The following FGD4 variants were observed in gnomAD, a reference collection of about 807,000 sequenced individuals.
FGD4 encodes FYVE, RhoGEF and PH domain containing 4.
Under a neutral mutation model 102.0 loss-of-function variants are expected in FGD4, and 42 were observed. The ratio of observed to expected loss-of-function variants is 0.41; its 90% CI spans 0.32 to 0.53. The LOEUF is 0.53. Ranked by LOEUF, FGD4 falls within the 20% of genes least tolerant of loss-of-function variation. FGD4 has a pLI of 0.21. For missense variants in FGD4, 902 were observed against 1,078.2 expected (o/e 0.84, Z 2.29); for synonymous variants, 380 against 375.7 (o/e 1.01, Z -0.13).
intron 3 of FGD4, among the ~76,000 whole-genome samples, chr12:32,579,285 C>CT (rs1946402697): frequency 6.6e-6 from 1 of 152,058 alleles, no homozygotes; most frequent in Admixed American, 6.6e-5. Flanking sequence ...CTCAGGTGAT[C>CT]TGCCCGCCTT....
intron 1 of FGD4, among the ~76,000 whole-genome samples, chr12:32,471,137 C>G (rs893347433): frequency 2.0e-5 from 3 of 152,186 alleles, no homozygotes; most frequent in Non-Finnish European, 4.4e-5. Context: ...AACCTTCCCC[C>G]CAACCCCCAC....
At chr12:32,617,068 T>C (rs1326477294) in intron 10 of FGD4, among the ~76,000 whole-genome samples, 2 of 152,230 alleles carry the variant, frequency 1.3e-5, no homozygotes, top group Non-Finnish European at 2.9e-5. Flanking sequence ...GATTAATTCA[T>C]AGATTATTGG....
At chr12:32,614,479 C>T (rs1215440927) in intron 10 of FGD4, among the ~76,000 whole-genome samples, 1 of 152,000 alleles carries the variant, frequency 6.6e-6, no homozygotes, top group Non-Finnish European at 1.5e-5. Flanking sequence ...TCTCGAGGGC[C>T]AAAGAACAAT....
At chr12:32,487,724 G>A (rs1472056608) in intron 1 of FGD4, among the ~76,000 whole-genome samples, 1 of 152,194 alleles carries the variant, frequency 6.6e-6, no homozygotes, top group African/African-American at 2.4e-5. Context: ...ACCATGCCCA[G>A]CCAATTTATA....
At chr12:32,423,319 C>T (rs372776534) in intron 1 of FGD4, among the ~76,000 whole-genome samples, 9 of 152,154 alleles carry the variant, frequency 5.9e-5, no homozygotes, top group African/African-American at 1.2e-4. Flanking sequence ...TAGGCCAGCA[C>T]GGTGACTCAC....
chr12:32,611,256 T>G lies in FGD4; in HGVS notation c.1722T>G (p.Thr574=). Residue 574 remains threonine (T), a synonymous_variant, in exon 10 of 17, where the codon ACT becomes ACG. Coordinates refer to ENST00000534526, the MANE Select transcript of FGD4 (RefSeq NM_001370298.3). ...GQILKLAARN[T]SAQERYLFLF... ...TCCTCAAACTAGCTGCTCGGAACACTTCAGCACAAGAACGCTACCTTTTCT... is the reference window on the plus strand; with the variant it reads ...TCCTCAAACTAGCTGCTCGGAACACGTCAGCACAAGAACGCTACCTTTTCT... 2 of 1,614,208 alleles carry G rather than the reference T, an allele frequency of 1.2e-6. No individual in the cohort carries two copies. Among genetic ancestry groups the G allele is most frequent in the Non-Finnish European group, 1.7e-6 (2 of 1,180,042 alleles).
At position 32,582,125 on chromosome 12, in the gene FGD4, G is replaced by C. The variant is rs762966429; in HGVS notation, c.669G>C (p.Gln223His). ...ATACAGATAAGACTCAGGGTGCACA[G>C]ACTTGTGTGGCCAACGGTGTAATGG... is the stretch of plus-strand genomic sequence containing the variant. ...GNDTDKTQGAQTCVANGVMAA... is the reference protein window; with the variant it reads ...GNDTDKTQGAHTCVANGVMAA... The change falls in exon 4 of 17, where the codon CAG becomes CAC. Residue 223 changes from glutamine (Q) to histidine (H), a missense_variant. Around this residue, in one of 2 missense-constraint regions of FGD4, gnomAD observed 443 missense variants for 459.2 expected, o/e 0.96. Coordinates refer to ENST00000534526, the MANE Select transcript of FGD4 (RefSeq NM_001370298.3). The C allele has an allele frequency of 6.2e-7, 1 of 1,614,220 alleles. No individual in the cohort carries two copies.
At chr12:32,585,222 TTATATATATATATATATATATATA>T (rs140227421) in intron 4 of FGD4, among the ~76,000 whole-genome samples, 2 of 116,142 alleles carry the variant, frequency 1.7e-5, no homozygotes, top group African/African-American at 3.1e-5. Context: ...CTCAAAAATT[TTATATATATATATATATATATATA>T]TATATATATA....
chr12:32,601,804 A>G (rs1948445226), intron 6 of FGD4, among the ~76,000 whole-genome samples: 1 of 152,200 alleles, frequency 6.6e-6, no homozygotes, highest in Admixed American at 6.5e-5. Flanking sequence ...CAATTCACTC[A>G]TTCTATAAGA....
intron 2 of FGD4, among the ~76,000 whole-genome samples, chr12:32,574,051 G>A (rs2136354724): frequency 6.6e-6 from 1 of 152,232 alleles, no homozygotes; most frequent in Middle Eastern, 3.4e-3. Context: ...GCCACAAATT[G>A]TGATAAGCAA....
At chr12:32,548,701 T>G (rs575625104) in intron 1 of FGD4, among the ~76,000 whole-genome samples, 6 of 152,350 alleles carry the variant, frequency 3.9e-5, no homozygotes, top group African/African-American at 1.4e-4. Context: ...TGGTTTCATC[T>G]GATCTTTTAG....
chr12:32,575,882 G>A (rs1946085835), intron 2 of FGD4, among the ~76,000 whole-genome samples: 1 of 152,190 alleles, frequency 6.6e-6, no homozygotes, highest in Admixed American at 6.5e-5. Flanking sequence ...AACCTGTTTT[G>A]TAGCAGACAA....
chr12:32,438,293 A>C lies in FGD4; in HGVS notation c.166+38334A>C, dbSNP rs11052003. On this transcript the variant is annotated intron_variant, in intron 1 of 16. Coordinates refer to ENST00000534526, the MANE Select transcript of FGD4 (RefSeq NM_001370298.3). ...GAGGTATAGCATCTAACAATACTGC[A>C]CTTCCATAGAGCGGACTTGGGATAA... Among the ~76,000 whole-genome samples the C allele has an allele frequency of 1.7e-3, 252 of 152,328 alleles. 1 individual carries two copies. Among genetic ancestry groups the C allele is most frequent in the African/African-American group, 5.8e-3 (241 of 41,568 alleles).
intron 1 of FGD4, among the ~76,000 whole-genome samples, chr12:32,401,538 G>C (rs1224794113): frequency 6.6e-6 from 1 of 152,112 alleles, no homozygotes; most frequent in Non-Finnish European, 1.5e-5. Context: ...TGGGATTACA[G>C]ATGTGAGCCA....
At chr12:32,476,098 T>C (rs543421256) in intron 1 of FGD4, among the ~76,000 whole-genome samples, 19 of 152,332 alleles carry the variant, frequency 1.2e-4, no homozygotes, top group Non-Finnish European at 2.2e-4. Context: ...TGTTACTGTA[T>C]GAAACGGGTC....
chr12:32,432,925 A>G (rs868002961), intron 1 of FGD4, among the ~76,000 whole-genome samples: 1 of 152,216 alleles, frequency 6.6e-6, no homozygotes, highest in Non-Finnish European at 1.5e-5. Context: ...CCTAGTTTAC[A>G]TAGAAACTTT....
chr12:32,582,747 T>A (rs1946716544), intron 4 of FGD4: 1 of 440,966 alleles, frequency 2.3e-6, no homozygotes, highest in Non-Finnish European at 4.1e-6. Context: ...AATGTATTGT[T>A]TTTACATAGA....
At chr12:32,564,386 A>G in intron 2 of FGD4, 97 bp downstream of exon 2, 5 of 1,414,442 alleles carry the variant, frequency 3.5e-6, no homozygotes, top group Non-Finnish European at 3.8e-6. Flanking sequence ...GTTTTAAGCT[A>G]GAAGGAAGGA....
chr12:32,437,457 G>A (rs1273720320), intron 1 of FGD4, among the ~76,000 whole-genome samples: 1 of 152,146 alleles, frequency 6.6e-6, no homozygotes, highest in Non-Finnish European at 1.5e-5. Context: ...GTGTCCAACC[G>A]CACCCAGATG....
Sources: allele counts gnomAD v4.1 joint callset (sites outside exome capture counted in the v4.1 genomes callset), GRCh38; gene constraint gnomAD v4.1.1; regional missense constraint gnomAD v4.1.1; transcripts MANE v1.5; gene names NCBI Gene and HGNC (gene_info 2026-07-23, HGNC 2026-07-21).